The following ADAMTSL1 variants were observed in gnomAD, a reference collection of about 807,000 sequenced individuals.
ADAMTSL1 encodes the protein ADAMTS-like protein 1.
A neutral mutation model predicts 201.8 loss-of-function variants in ADAMTSL1; 126 were observed. The observed-to-expected ratio is 0.62, with a 90% CI of 0.54 to 0.72. ADAMTSL1 has a LOEUF of 0.72. Ranked by LOEUF, ADAMTSL1 falls within the 30% of genes least tolerant of loss-of-function variation. The pLI, the probability that ADAMTSL1 is intolerant of heterozygous loss-of-function variation, is 0.00. For missense variants in ADAMTSL1, 2,679 were observed against 2,277.8 expected (o/e 1.18, Z -3.59); for synonymous variants, 1,121 against 903.4 (o/e 1.24, Z -4.32).
intron 7 of ADAMTSL1, among the ~76,000 whole-genome samples, chr9:18,649,147 C>G (rs1050298856): frequency 1.3e-5 from 2 of 152,164 alleles, no homozygotes; most frequent in Non-Finnish European, 2.9e-5. Flanking sequence ...TTCATCTTCC[C>G]TGACTGATAA....
chr9:18,480,949 G>A (rs1240710486), intron 1 of ADAMTSL1, among the ~76,000 whole-genome samples: 1 of 152,106 alleles, frequency 6.6e-6, no homozygotes, highest in Admixed American at 6.5e-5. Flanking sequence ...AATCTCCTGG[G>A]ACAGAGTGGG....
chr9:18,022,485 T>C (rs1820519487), intron 1 of ADAMTSL1, among the ~76,000 whole-genome samples: 1 of 152,128 alleles, frequency 6.6e-6, no homozygotes, highest in Non-Finnish European at 1.5e-5. Flanking sequence ...AATCCTGCAA[T>C]AATTCTTGCC....
intron 9 of ADAMTSL1, among the ~76,000 whole-genome samples, chr9:18,669,622 ACT>A (rs1829690593): frequency 6.6e-6 from 1 of 152,006 alleles, no homozygotes; most frequent in Non-Finnish European, 1.5e-5. Flanking sequence ...TGTTAGGGAA[ACT>A]CTCTGTGTTT....
At chr9:18,555,169 G>C (rs1821031222) in intron 3 of ADAMTSL1, among the ~76,000 whole-genome samples, 1 of 151,712 alleles carries the variant, frequency 6.6e-6, no homozygotes, top group South Asian at 2.1e-4. Flanking sequence ...GGCATTACGA[G>C]CAGATATTCA....
rs115914281 is a variant in ADAMTSL1 at position 18,428,907 on chromosome 9, A to G, written c.208-75922A>G. On this transcript the variant is annotated intron_variant, in intron 2 of 29. Transcript: ENST00000680146. Reference sequence around the variant, plus strand: ...AGTTCAAAAACTGAGCAGATTAGCTATTGCTGCTCCTCACTGAAATTGTCG... The same window carrying G: ...AGTTCAAAAACTGAGCAGATTAGCTGTTGCTGCTCCTCACTGAAATTGTCG... Among the ~76,000 whole-genome samples the G allele has an allele frequency of 9.0e-3, 1,377 of 152,304 alleles. 23 individuals are homozygous for G. Among genetic ancestry groups the G allele is most frequent in the African/African-American group, 0.031 (1,297 of 41,572 alleles).
In ADAMTSL1 at chr9:18,554,164, G is replaced by A. The variant is rs546363339; in HGVS notation, c.238-19866G>A. ...TTATATCTGCATGTATATGAGTTCTGTTTTTTTTTTAAATCTACATGATGA... is the reference window on the plus strand; with the variant it reads ...TTATATCTGCATGTATATGAGTTCTATTTTTTTTTTAAATCTACATGATGA... On this transcript the variant is annotated intron_variant, in intron 3 of 28. Transcript: ENST00000380548. Among the ~76,000 whole-genome samples, 71 of 145,956 alleles carry A rather than the reference G, an allele frequency of 4.9e-4. No homozygotes were observed. The South Asian group carries it at 0.015, about 31-fold the overall frequency.
chr9:18,865,591 C>T (rs60125430), intron 23 of ADAMTSL1, among the ~76,000 whole-genome samples: 12,101 of 152,206 alleles, frequency 0.08, 580 homozygotes, highest in East Asian at 0.16. Flanking sequence ...ACTTTTCATA[C>T]TTTCCAGCTA....
chr9:18,436,477 A>G (rs1819737610), intron 2 of ADAMTSL1, among the ~76,000 whole-genome samples: 2 of 152,146 alleles, frequency 1.3e-5, no homozygotes, highest in South Asian at 2.1e-4. Context: ...TTGATTCTGT[A>G]TCCTTCTTTA....
chr9:18,892,524 C>T lies in ADAMTSL1; in HGVS notation c.4779C>T (p.Ala1593=). The change falls in exon 26 of 29, where the codon GCC becomes GCT. Residue 1593 remains alanine, a synonymous_variant. Coordinates refer to ENST00000380548, the MANE Select transcript of ADAMTSL1 (RefSeq NM_001040272.6). ...PVSNDMCTQV[A]KRPVDTQACN... Reference sequence around the variant, plus strand: ...CCAATGACATGTGCACCCAGGTCGCCAAGCGGCCTGTGGACACCCAGGCCT... The same window carrying T: ...CCAATGACATGTGCACCCAGGTCGCTAAGCGGCCTGTGGACACCCAGGCCT... 1.3e-6 allele frequency: 2 copies of T among 1,593,880 alleles called. No individual in the cohort carries two copies. Among genetic ancestry groups the T allele is most frequent in the South Asian group, 1.1e-5 (1 of 87,720 alleles).
chr9:18,140,193 C>G (rs1826338479), intron 1 of ADAMTSL1, among the ~76,000 whole-genome samples: 2 of 152,208 alleles, frequency 1.3e-5, no homozygotes, highest in African/African-American at 2.4e-5. Flanking sequence ...TACCTAAATA[C>G]AAAGTAAAAG....
intron 23 of ADAMTSL1, among the ~76,000 whole-genome samples, chr9:18,834,946 T>C (rs771905885): frequency 6.6e-5 from 10 of 152,230 alleles, no homozygotes; most frequent in Admixed American, 2.6e-4. Flanking sequence ...TTAATCTTTG[T>C]ATGCACACAT....
chr9:18,285,113 T>C (rs1832945168), intron 2 of ADAMTSL1, among the ~76,000 whole-genome samples: 1 of 152,160 alleles, frequency 6.6e-6, no homozygotes, highest in Non-Finnish European at 1.5e-5. Context: ...TTAAGGTGTT[T>C]GTTGGGTCTA....
chr9:18,187,050 CA>C (rs1407885445), intron 2 of ADAMTSL1, among the ~76,000 whole-genome samples: 6 of 152,122 alleles, frequency 3.9e-5, no homozygotes, highest in African/African-American at 1.4e-4. Context: ...CTCTTGAGAG[CA>C]AAATTGTTTC....
chr9:18,498,305 T>C (rs1407529773), intron 1 of ADAMTSL1, among the ~76,000 whole-genome samples: 2 of 151,624 alleles, frequency 1.3e-5, no homozygotes, highest in African/African-American at 2.4e-5. Context: ...TTAATCACCA[T>C]ATTATGAGAA....
At chr9:18,455,019 G>A (rs1340678920) in intron 2 of ADAMTSL1, among the ~76,000 whole-genome samples, 4 of 152,060 alleles carry the variant, frequency 2.6e-5, no homozygotes, top group African/African-American at 7.3e-5. Context: ...TTCATAGGGT[G>A]GGTGGGTGTG....
At chr9:18,021,831 C>T (rs1433347914) in intron 1 of ADAMTSL1, among the ~76,000 whole-genome samples, 3 of 152,140 alleles carry the variant, frequency 2.0e-5, no homozygotes, top group Non-Finnish European at 2.9e-5. Flanking sequence ...CTTAATCTTT[C>T]CTGTTTCTTG....
intron 23 of ADAMTSL1, among the ~76,000 whole-genome samples, chr9:18,865,682 CCACT>C (rs1827486195): frequency 6.6e-6 from 1 of 152,104 alleles, no homozygotes; most frequent in Admixed American, 6.5e-5. Context: ...CAGTTTAGAA[CCACT>C]TTAGGCCTAG....
At chr9:18,056,971 C>A (rs1157618227) in intron 1 of ADAMTSL1, among the ~76,000 whole-genome samples, 4 of 152,136 alleles carry the variant, frequency 2.6e-5, no homozygotes, top group Admixed American at 2.0e-4. Context: ...CACTACTGCA[C>A]TACTGTTCAA....
At chr9:18,414,814 C>G (rs1724771735) in intron 2 of ADAMTSL1, among the ~76,000 whole-genome samples, 1 of 152,150 alleles carries the variant, frequency 6.6e-6, no homozygotes, top group Non-Finnish European at 1.5e-5. Flanking sequence ...CAGTACATGC[C>G]TGTTAAAAAA....
Sources: gnomAD v4.1 joint callset for allele counts (sites outside exome capture counted in the v4.1 genomes callset) on GRCh38, gnomAD v4.1.1 for gene constraint, MANE v1.5 for transcripts, NCBI Gene and HGNC (gene_info 2026-07-23, HGNC 2026-07-21) for gene names.